The following CSMD1 variants were observed in gnomAD, a reference collection of about 807,000 sequenced individuals.
CSMD1 encodes CUB and Sushi multiple domains 1, also known as CUB and sushi domain-containing protein 1.
In CSMD1, 213 loss-of-function variants were observed where a neutral mutation model predicts 417.5. The observed-to-expected ratio is 0.51, with a 90% CI of 0.46 to 0.57. CSMD1 has a LOEUF of 0.57. Ranked by LOEUF, CSMD1 falls within the 20% of genes least tolerant of loss-of-function variation. The probability of loss-of-function intolerance (pLI) is 0.00; values close to 1 mark genes in which losing one functional copy is unlikely to be tolerated. For missense variants in CSMD1, 6,923 were observed against 4,529.7 expected (o/e 1.53, Z -15.17); for synonymous variants, 2,862 against 1,736.8 (o/e 1.65, Z -16.11).
chr8:3,582,556 C>G (rs1022055132), intron 9 of CSMD1, among the ~76,000 whole-genome samples: 11 of 152,112 alleles, frequency 7.2e-5, no homozygotes, highest in Non-Finnish European at 1.5e-4. Flanking sequence ...AAAATCATAA[C>G]TGTAAATGTC....
At chr8:4,215,101 C>A (rs139510579) in intron 3 of CSMD1, among the ~76,000 whole-genome samples, 2 of 152,094 alleles carry the variant, frequency 1.3e-5, no homozygotes, top group African/African-American at 4.8e-5. Context: ...CTATTCCGGA[C>A]AAGTGAATAG....
chr8:4,612,008 T>C (rs1301883715), intron 2 of CSMD1, among the ~76,000 whole-genome samples: 1 of 152,146 alleles, frequency 6.6e-6, no homozygotes, highest in Non-Finnish European at 1.5e-5. Flanking sequence ...AATAGTCAAA[T>C]TTTAACCATC....
At position 4,358,925 on chromosome 8, in the gene CSMD1, GAAT is replaced by G. The variant is rs542835660; in HGVS notation, c.415+61025_415+61027del. The stretch of plus-strand genomic sequence containing the variant: ...ACAGTGAACCTTTATTAAAAAAACT[GAAT>G]AATTAGTACATTCAGTACTACACTT... On this transcript the variant is annotated intron_variant, in intron 3 of 69. Coordinates refer to ENST00000635120, the MANE Select transcript of CSMD1 (RefSeq NM_033225.6). 1.3e-4 allele frequency among the ~76,000 whole-genome samples: 19 copies of G among 151,978 alleles called. No homozygotes were observed. In the East Asian group the frequency reaches 2.9e-3, roughly 23 times the overall value.
chr8:3,643,005 G>A (rs980059040), intron 7 of CSMD1, among the ~76,000 whole-genome samples: 6 of 151,988 alleles, frequency 3.9e-5, no homozygotes, highest in Admixed American at 2.0e-4. Flanking sequence ...AAAAATAGAT[G>A]TAAGAAATTT....
intron 26 of CSMD1, among the ~76,000 whole-genome samples, chr8:3,261,436 G>T (rs982654430): frequency 6.6e-6 from 1 of 152,022 alleles, no homozygotes; most frequent in Non-Finnish European, 1.5e-5. Flanking sequence ...TGATGGGTGC[G>T]CCAAAATCCT....
rs1397625705 is a variant in CSMD1 at position 2,937,848 on chromosome 8, AT to A, written c.*736del. On this transcript the variant is annotated 3_prime_UTR_variant, in exon 70 of 70. Coordinates refer to ENST00000635120, the MANE Select transcript of CSMD1 (RefSeq NM_033225.6). ...AGCTTGATAATATGAAATAATGCTT[AT>A]ATACAATGGATAGTGTGTATAAACC... 2 of 152,640 alleles carry A rather than the reference AT, an allele frequency of 1.3e-5. No homozygotes were observed. Among genetic ancestry groups the A allele is most frequent in the Non-Finnish European group, 2.9e-5 (2 of 68,056 alleles). The allele number at this position is 152,640 out of a possible 1,614,324, so 9.5% of individuals were successfully genotyped here.
chr8:4,281,309 A>G (rs994657914), intron 3 of CSMD1, among the ~76,000 whole-genome samples: 1 of 152,262 alleles, frequency 6.6e-6, no homozygotes, highest in Admixed American at 6.5e-5. Flanking sequence ...AAAACCTGAT[A>G]GTAACTGCGA....
intron 12 of CSMD1, among the ~76,000 whole-genome samples, chr8:3,429,607 A>T (rs1387527276): frequency 6.6e-6 from 1 of 152,180 alleles, no homozygotes; most frequent in Non-Finnish European, 1.5e-5. Flanking sequence ...CAATATCTTG[A>T]CGAGGGGTGG....
intron 5 of CSMD1, among the ~76,000 whole-genome samples, chr8:3,841,261 G>A (rs1219854677): frequency 3.9e-5 from 6 of 152,136 alleles, no homozygotes; most frequent in Admixed American, 2.0e-4. Flanking sequence ...AATAGTTCAT[G>A]AGCTTGATTT....
chr8:3,826,846 G>C (rs770452347), intron 5 of CSMD1, among the ~76,000 whole-genome samples: 11 of 151,988 alleles, frequency 7.2e-5, no homozygotes, highest in Non-Finnish European at 1.5e-4. Context: ...CAGTGTAGTG[G>C]TGTGATCATA....
In CSMD1 at chr8:3,399,536, C is replaced by G. The variant is rs754512402; in HGVS notation, c.2267-7G>C. ...AGATGTCCACCACATGGAGCTAAAA[C>G]AAGACGTAGAATATCTATTAGATCC... On this transcript the variant is annotated splice_polypyrimidine_tract_variant and splice_region_variant and intron_variant, in intron 15 of 69. Transcript: ENST00000635120. The G allele has an allele frequency of 1.9e-6, 3 of 1,578,392 alleles. No homozygotes were observed. The highest frequency in any genetic ancestry group is 1.9e-5 in the Admixed American group (1 of 53,850).
At chr8:4,946,233 T>A (rs1326892874) in intron 1 of CSMD1, among the ~76,000 whole-genome samples, 5 of 152,192 alleles carry the variant, frequency 3.3e-5, no homozygotes, top group Admixed American at 6.5e-5. Flanking sequence ...CCCTGTCTTG[T>A]TACGTTCTCA....
chr8:4,744,880 T>G (rs565875338), intron 1 of CSMD1, among the ~76,000 whole-genome samples: 25 of 152,292 alleles, frequency 1.6e-4, no homozygotes, highest in Non-Finnish European at 2.8e-4. Context: ...TTGAACTGAA[T>G]TTTTTCACCA....
intron 7 of CSMD1, among the ~76,000 whole-genome samples, chr8:3,691,483 A>T (rs1054378657): frequency 6.6e-6 from 1 of 152,232 alleles, no homozygotes; most frequent in African/African-American, 2.4e-5. Context: ...TTCTATTTCA[A>T]TGTTTCACTG....
chr8:4,978,213 A>G (rs1478028905), intron 1 of CSMD1, among the ~76,000 whole-genome samples: 3 of 152,172 alleles, frequency 2.0e-5, no homozygotes, highest in Non-Finnish European at 4.4e-5. Flanking sequence ...GATCTCACAG[A>G]TAGAGACCCA....
chr8:4,109,256 G>A (rs368650861), intron 3 of CSMD1, among the ~76,000 whole-genome samples: 1 of 151,930 alleles, frequency 6.6e-6, no homozygotes, highest in African/African-American at 2.4e-5. Flanking sequence ...GAATGTTTTT[G>A]ACCCTTGGTT....
intron 1 of CSMD1, among the ~76,000 whole-genome samples, chr8:4,851,105 A>G (rs60202776): frequency 8.3e-6 from 1 of 120,844 alleles, no homozygotes; most frequent in African/African-American, 3.2e-5. Flanking sequence ...CCCCCTCCCC[A>G]CACCCCACAA....
intron 3 of CSMD1, among the ~76,000 whole-genome samples, chr8:4,149,067 G>A (rs567566078): frequency 7.3e-5 from 11 of 151,722 alleles, no homozygotes; most frequent in East Asian, 1.9e-4. Context: ...AGGTTCAAGC[G>A]ATTCTCCTGC....
intron 2 of CSMD1, among the ~76,000 whole-genome samples, chr8:4,616,236 T>G (rs543505951): frequency 1.3e-5 from 2 of 152,120 alleles, no homozygotes; most frequent in East Asian, 1.9e-4. Context: ...ACTTTGAGAA[T>G]TGAAAAAAAC....
Sources: allele counts gnomAD v4.1 joint callset (sites outside exome capture counted in the v4.1 genomes callset), GRCh38; gene constraint gnomAD v4.1.1; transcripts MANE v1.5; gene names NCBI Gene and HGNC (gene_info 2026-07-23, HGNC 2026-07-21).